Variants in L3MBTL4 observed in about 807,000 individuals in gnomAD.
L3MBTL4 encodes lethal(3)malignant brain tumor-like protein 4.
In L3MBTL4, 70 loss-of-function variants were observed where a neutral mutation model predicts 84.5. The ratio of observed to expected loss-of-function variants is 0.83; its 90% CI spans 0.68 to 1.01. L3MBTL4 has a LOEUF of 1.01. L3MBTL4 is among the 50% of genes least tolerant of loss of function. L3MBTL4 has a pLI of 0.00. For missense variants in L3MBTL4, 715 were observed against 754.8 expected, an observed-to-expected ratio of 0.95 and a Z score of 0.62; for synonymous variants, 274 against 259.8, an observed-to-expected ratio of 1.05 and a Z score of -0.52.
At chr18:5,964,739 G>C (rs1409426062) in intron 17 of L3MBTL4, among the ~76,000 whole-genome samples, 1 of 152,158 alleles carries the variant, frequency 6.6e-6, no homozygotes. Flanking sequence ...CGTGCACCAA[G>C]CATACCTGAG....
intron 14 of L3MBTL4, among the ~76,000 whole-genome samples, chr18:6,110,405 G>A: frequency 6.6e-6 from 1 of 152,034 alleles, no homozygotes. Context: ...CTGCATGTGT[G>A]TGTGCATGTG....
At chr18:6,295,309 ACTCTCTCTCTCTCTCT>A (rs58507219) in intron 4 of L3MBTL4, among the ~76,000 whole-genome samples, 16 of 62,738 alleles carry the variant, frequency 2.6e-4, no homozygotes, top group South Asian at 8.9e-4. Context: ...AACAACAACA[ACTCTCTCTCTCTCTCT>A]CTCTCTCTCT....
chr18:6,122,223 T>C (rs1334868166), intron 14 of L3MBTL4, among the ~76,000 whole-genome samples: 1 of 146,522 alleles, frequency 6.8e-6, no homozygotes. Context: ...ATTGTTATTA[T>C]TAACTTGTAC....
At chr18:6,090,632 CTTT>C (rs371420348) in intron 15 of L3MBTL4, among the ~76,000 whole-genome samples, 8 of 139,016 alleles carry the variant, frequency 5.8e-5, no homozygotes, top group South Asian at 2.3e-4. Context: ...ACATATATTT[CTTT>C]TTTTTTTTTT....
At chr18:6,085,142 G>C (rs1346019794) in intron 15 of L3MBTL4, among the ~76,000 whole-genome samples, 2 of 152,118 alleles carry the variant, frequency 1.3e-5, no homozygotes, top group Admixed American at 6.5e-5. Flanking sequence ...TTAAAATATA[G>C]CAGTAAAAAG....
At chr18:6,071,771 A>AAGAAAG (rs2057642979) in intron 16 of L3MBTL4, among the ~76,000 whole-genome samples, 2 of 107,802 alleles carry the variant, frequency 1.9e-5, no homozygotes, top group Admixed American at 9.8e-5. Context: ...AAAAGAAAGA[A>AAGAAAG]AGAAAGAAAG....
intron 14 of L3MBTL4, among the ~76,000 whole-genome samples, chr18:6,104,095 T>C (rs1667903121): frequency 6.6e-6 from 1 of 152,132 alleles, no homozygotes; most frequent in Non-Finnish European, 1.5e-5. Context: ...ATAACAAGTA[T>C]TGGTGAGGAT....
chr18:6,301,125 A>T (rs2050320039), intron 4 of L3MBTL4, among the ~76,000 whole-genome samples: 1 of 152,194 alleles, frequency 6.6e-6, no homozygotes, highest in Non-Finnish European at 1.5e-5. Flanking sequence ...CTCAATTCTT[A>T]TTTGTCATTT....
At chr18:6,343,316 T>G (rs893924921) in intron 1 of L3MBTL4, among the ~76,000 whole-genome samples, 1 of 152,176 alleles carries the variant, frequency 6.6e-6, no homozygotes, top group African/African-American at 2.4e-5. Flanking sequence ...ACACATAACA[T>G]TCTCCAGGGT....
At chr18:6,120,616 C>G (rs1452918136) in intron 14 of L3MBTL4, among the ~76,000 whole-genome samples, 2 of 152,202 alleles carry the variant, frequency 1.3e-5, no homozygotes, top group Non-Finnish European at 2.9e-5. Context: ...GAGGCCCCTC[C>G]ATTCCTCCTC....
intron 12 of L3MBTL4, among the ~76,000 whole-genome samples, chr18:6,196,343 A>G (rs566549110): frequency 5.1e-4 from 77 of 151,886 alleles, no homozygotes; most frequent in South Asian, 4.8e-3. Flanking sequence ...ATTTTTAGTA[A>G]AGACGCGGTT....
intron 1 of L3MBTL4, among the ~76,000 whole-genome samples, chr18:6,362,129 G>T: frequency 9.8e-6 from 1 of 102,244 alleles, no homozygotes; most frequent in African/African-American, 4.6e-5. Flanking sequence ...AAAGAAAAGA[G>T]GAGAGGAGAG....
At chr18:6,232,300 T>C (rs2047030984) in intron 10 of L3MBTL4, among the ~76,000 whole-genome samples, 1 of 152,140 alleles carries the variant, frequency 6.6e-6, no homozygotes, top group East Asian at 1.9e-4. Context: ...AGTATTTTAT[T>C]GAGGATTTTT....
intron 6 of L3MBTL4, among the ~76,000 whole-genome samples, chr18:6,244,165 C>T (rs1005747814): frequency 3.3e-5 from 5 of 152,042 alleles, no homozygotes; most frequent in African/African-American, 1.2e-4. Flanking sequence ...ATTAGTTCAG[C>T]TAAAATGTGA....
chr18:5,989,257 G>A (rs1184713640), intron 16 of L3MBTL4, among the ~76,000 whole-genome samples: 1 of 152,088 alleles, frequency 6.6e-6, no homozygotes, highest in African/African-American at 2.4e-5. Flanking sequence ...TCAAAACTGT[G>A]TTGTCCAAAC....
chr18:6,030,401 A>T (rs2055730642), intron 16 of L3MBTL4: 1 of 985,404 alleles, frequency 1.0e-6, no homozygotes, highest in Non-Finnish European at 1.2e-6. Flanking sequence ...AGAAAGCAGG[A>T]ACACAAACAT....
intron 14 of L3MBTL4, among the ~76,000 whole-genome samples, chr18:6,105,537 GC>G (rs1057197137): frequency 2.2e-4 from 33 of 151,584 alleles, no homozygotes; most frequent in African/African-American, 8.0e-4. Flanking sequence ...AGTGGCTCAC[GC>G]CTGTAATCTC....
chr18:6,262,562 C>A (rs916498151), intron 5 of L3MBTL4, among the ~76,000 whole-genome samples: 1 of 152,138 alleles, frequency 6.6e-6, no homozygotes, highest in African/African-American at 2.4e-5. Context: ...CAAACCTGCA[C>A]AAAGAATGCA....
At chr18:6,251,504 A>G (rs954189477) in intron 5 of L3MBTL4, among the ~76,000 whole-genome samples, 1 of 152,228 alleles carries the variant, frequency 6.6e-6, no homozygotes. Flanking sequence ...AACACATTAA[A>G]TCATCATAAA....
Sources: gnomAD v4.1 joint callset for allele counts (sites outside exome capture counted in the v4.1 genomes callset) on GRCh38, gnomAD v4.1.1 for gene constraint, MANE v1.5 for transcripts, NCBI Gene and HGNC (gene_info 2026-07-23, HGNC 2026-07-21) for gene names.